Variants in KIF4A observed in about 807,000 individuals in gnomAD.
KIF4A encodes chromosome-associated kinesin KIF4A.
A neutral mutation model predicts 105.9 loss-of-function variants in KIF4A; 7 were observed. The ratio of observed to expected loss-of-function variants is 0.07; its 90% CI spans 0.04 to 0.12. The LOEUF is 0.12. Among genes scored for constraint, KIF4A ranks in the 10% least tolerant of loss-of-function variants. The pLI, the probability that KIF4A is intolerant of heterozygous loss-of-function variation, is 1.00. For missense variants in KIF4A, 558 were observed against 929.2 expected (o/e 0.60, Z 5.19); for synonymous variants, 281 against 331.3 (o/e 0.85, Z 1.65).
intron 13 of KIF4A, among the ~76,000 whole-genome samples, chrX:70,346,873 T>C (rs1472893112): frequency 8.9e-6 from 1 of 112,282 alleles, no homozygotes; most frequent in East Asian, 2.8e-4. Context: ...GCAAAATGTT[T>C]CAAAAGTAAG....
At chrX:70,332,292 A>G (rs1372722394) in intron 9 of KIF4A, among the ~76,000 whole-genome samples, 1 of 111,824 alleles carries the variant, frequency 8.9e-6, no homozygotes. Flanking sequence ...GAACCAAGAA[A>G]GAGACTTAGA....
At chrX:70,387,159 A>G (rs1171551804) in intron 19 of KIF4A, 25 bp from the exon 20 acceptor site, 1 of 1,027,366 alleles carries the variant, frequency 9.7e-7, no homozygotes, top group Admixed American at 2.8e-5. Flanking sequence ...TTCATTCAAC[A>G]TTACTATGTG....
intron 7 of KIF4A, among the ~76,000 whole-genome samples, chrX:70,309,260 C>T (rs189313956): frequency 8.9e-6 from 1 of 112,248 alleles, no homozygotes; most frequent in East Asian, 2.8e-4. Flanking sequence ...ATATTATTGA[C>T]CTTTTTAGTC....
intron 7 of KIF4A, among the ~76,000 whole-genome samples, chrX:70,305,237 A>G (rs1378390273): frequency 1.8e-5 from 2 of 111,784 alleles, no homozygotes; most frequent in Non-Finnish European, 3.8e-5. Context: ...CATTTCACTG[A>G]TTTTTAGTAT....
Position 70,335,439 on chromosome X carries a change from A to G in KIF4A, c.1133+1750A>G, listed in dbSNP as rs72628867. Among the ~76,000 whole-genome samples, 125 of 112,475 alleles carry G rather than the reference A, an allele frequency of 1.1e-3. 2 individuals are homozygous for G. In the East Asian group the frequency reaches 0.028, roughly 25 times the overall value. The stretch of plus-strand genomic sequence containing the variant: ...GGGTATAGAATTTTAGTTTTGCAAA[A>G]TGAAAACATTCTGGAGATCTGTTTC... On this transcript the variant is annotated intron_variant, in intron 10 of 30. Transcript: ENST00000374403.
chrX:70,386,011 C>G (rs73214993), intron 18 of KIF4A, among the ~76,000 whole-genome samples: 6,839 of 110,961 alleles, frequency 0.062, 193 homozygotes, highest in Middle Eastern at 0.088. Flanking sequence ...CTCTTGCCCC[C>G]CTTTCTCCAT....
intron 15 of KIF4A, 50 bp downstream of exon 15, chrX:70,353,857 C>A: frequency 1.0e-6 from 1 of 973,516 alleles, no homozygotes; most frequent in Non-Finnish European, 1.4e-6. Context: ...GTCTCTTAAA[C>A]TGAATGGGAA....
chrX:70,369,858 T>C (rs1401801063), intron 15 of KIF4A, among the ~76,000 whole-genome samples: 1 of 111,943 alleles, frequency 8.9e-6, no homozygotes, highest in Non-Finnish European at 1.9e-5. Flanking sequence ...TTATGTGATA[T>C]GTAATATATA....
intron 15 of KIF4A, among the ~76,000 whole-genome samples, chrX:70,372,178 G>A (rs1275151980): frequency 9.4e-6 from 1 of 106,253 alleles, no homozygotes; most frequent in Non-Finnish European, 1.9e-5. Context: ...CAGGCAGAGG[G>A]GCTCCTCACG....
intron 13 of KIF4A, 149 bp downstream of exon 13, chrX:70,344,131 CTGAA>C (rs1484990613): frequency 2.2e-6 from 1 of 457,449 alleles, no homozygotes; most frequent in Non-Finnish European, 3.8e-6. Flanking sequence ...TTGATATGAT[CTGAA>C]TATTGAGTTT....
intron 24 of KIF4A, 81 bp from the exon 25 acceptor site, chrX:70,404,634 G>T (rs1408510671): frequency 3.3e-6 from 2 of 598,575 alleles, no homozygotes; most frequent in African/African-American, 4.4e-5. Flanking sequence ...CAGTCACCTG[G>T]ATCACTGCTT....
intron 10 of KIF4A, among the ~76,000 whole-genome samples, chrX:70,334,192 G>T (rs1342312039): frequency 9.0e-6 from 1 of 111,217 alleles, no homozygotes; most frequent in African/African-American, 3.3e-5. Flanking sequence ...TTTTGTTGAT[G>T]GAAAATTGTG....
chrX:70,296,082 G>T (rs866387311), intron 3 of KIF4A, among the ~76,000 whole-genome samples: 1 of 33,378 alleles, frequency 3.0e-5, no homozygotes, highest in African/African-American at 1.2e-4. Context: ...AATAAATGAT[G>T]CTTTTTTTTT....
chrX:70,395,410 T>C (rs912924912), intron 20 of KIF4A, among the ~76,000 whole-genome samples: 1 of 111,607 alleles, frequency 9.0e-6, no homozygotes, highest in African/African-American at 3.3e-5. Context: ...ATGAAGAAAA[T>C]AAAGAACAGG....
chrX:70,296,022 A>C (rs1310598570), intron 3 of KIF4A, among the ~76,000 whole-genome samples: 1 of 108,043 alleles, frequency 9.3e-6, no homozygotes, highest in Non-Finnish European at 1.9e-5. Context: ...CATATTTAAC[A>C]ATTATTTTTA....
In KIF4A at chrX:70,330,340, G is replaced by A; in HGVS notation, c.1071+8G>A. ...AATCATCTAAAGCAACAGGTATAAG[G>A]GACTTAAAGTTTGATGGGAAAAATT... On this transcript the variant is annotated splice_region_variant and intron_variant, in intron 9 of 30. Transcript: ENST00000374403. 8.4e-7 allele frequency: 1 copy of A among 1,195,206 alleles called. No homozygotes were observed. The highest frequency in any genetic ancestry group is 3.0e-5 in the East Asian group (1 of 33,706).
At chrX:70,320,114 G>A (rs1207135742) in intron 7 of KIF4A, among the ~76,000 whole-genome samples, 4 of 111,503 alleles carry the variant, frequency 3.6e-5, no homozygotes, top group Admixed American at 1.9e-4. Flanking sequence ...TCTTCTTGCT[G>A]ATCCATTAAT....
At chrX:70,379,094 C>T (rs1232837701) in intron 18 of KIF4A, among the ~76,000 whole-genome samples, 1 of 105,349 alleles carries the variant, frequency 9.5e-6, no homozygotes, top group Admixed American at 1.0e-4. Context: ...ACCCGGAAGG[C>T]GGAGCTTGCA....
Position 70,420,418 on chromosome X carries a change from G to C in KIF4A, c.*153G>C. ...TACTGAAAAGAAGGTAACCTTTGTT[G>C]GATGTGGGCCTTAGCCTCCAGGTCC... On this transcript the variant is annotated 3_prime_UTR_variant, in exon 31 of 31. Coordinates refer to ENST00000374403, the MANE Select transcript of KIF4A (RefSeq NM_012310.5). 1 of 805,337 alleles carries C rather than the reference G, an allele frequency of 1.2e-6. No individual in the cohort carries two copies. Among genetic ancestry groups the C allele is most frequent in the East Asian group, 3.5e-5 (1 of 28,725 alleles). The allele number at this position is 805,337 out of a possible 1,213,427, so 66.4% of individuals were successfully genotyped here. A position where few individuals can be genotyped will look rare whatever the true frequency, so the allele number is the denominator to read the frequency against.
Sources: gnomAD v4.1 joint callset for allele counts (sites outside exome capture counted in the v4.1 genomes callset) on GRCh38, gnomAD v4.1.1 for gene constraint, MANE v1.5 for transcripts, NCBI Gene and HGNC (gene_info 2026-07-23, HGNC 2026-07-21) for gene names.